The following CEP350 variants were observed in gnomAD, a reference collection of about 807,000 sequenced individuals.
CEP350 encodes centrosomal protein 350.
A neutral mutation model predicts 331.8 loss-of-function variants in CEP350; 126 were observed. That is an observed-to-expected ratio of 0.38 (90% CI 0.33 to 0.44). The LOEUF (loss-of-function observed/expected upper bound fraction) is 0.44, where lower values mean the gene tolerates loss of function less well. CEP350 is among the 20% of genes least tolerant of loss of function. The probability of loss-of-function intolerance (pLI) is 1.00; values close to 1 mark genes in which losing one functional copy is unlikely to be tolerated. For synonymous variants in CEP350, 1,200 were observed against 1,259.5 expected, an observed-to-expected ratio of 0.95 and a Z score of 1.00; for missense variants, 3,406 against 3,634.6, an observed-to-expected ratio of 0.94 and a Z score of 1.62.
At position 180,020,517 on chromosome 1, in the gene CEP350, A is replaced by T; in HGVS notation, c.2743A>T (p.Asn915Tyr). The T allele has an allele frequency of 6.2e-7, 1 of 1,613,730 alleles. No homozygotes were observed. The highest frequency in any genetic ancestry group is 8.5e-7 in the Non-Finnish European group (1 of 1,179,890). Residue 915 changes from asparagine (N) to tyrosine (Y), a missense_variant, in exon 12 of 38, where the codon AAT becomes TAT. Coordinates refer to ENST00000367607, the MANE Select transcript of CEP350 (RefSeq NM_014810.5). ...TFDDDLPGVG[N>Y]LSEFKKLPEM... ...TGATGATGATCTTCCTGGTGTAGGC[A>T]ATCTTAGTGAATTTAAAAAGCTTCC... is the stretch of plus-strand genomic sequence containing the variant.
chr1:180,006,707 C>T (rs1571856442), intron 8 of CEP350, 140 bp downstream of exon 8: 1 of 587,240 alleles, frequency 1.7e-6, no homozygotes, highest in East Asian at 2.9e-5. Context: ...TTGCTGTACC[C>T]ATTAACCCGT....
intron 15 of CEP350, 90 bp from the exon 16 acceptor site, chr1:180,033,772 G>T (rs1656176683): frequency 1.5e-6 from 2 of 1,325,916 alleles, no homozygotes; most frequent in African/African-American, 2.9e-5. Flanking sequence ...AATGTTGATA[G>T]TTTTTTTATA....
At chr1:180,047,774 A>AAAAAG (rs1335629827) in intron 21 of CEP350, among the ~76,000 whole-genome samples, 16 of 149,786 alleles carry the variant, frequency 1.1e-4, no homozygotes, top group African/African-American at 3.2e-4. Context: ...AAAAAAAAAA[A>AAAAAG]AAAAGAAAAG....
chr1:180,070,978 T>C (rs1007343192), intron 27 of CEP350, among the ~76,000 whole-genome samples: 3 of 151,396 alleles, frequency 2.0e-5, no homozygotes, highest in Non-Finnish European at 4.4e-5. Flanking sequence ...TGAAACCCCA[T>C]CTCTACTAAA....
intron 1 of CEP350, among the ~76,000 whole-genome samples, chr1:179,967,707 A>G (rs1651122047): frequency 6.6e-6 from 1 of 152,108 alleles, no homozygotes; most frequent in Non-Finnish European, 1.5e-5. Context: ...CACCGGGCCC[A>G]GCTGGCTTCA....
intron 37 of CEP350, among the ~76,000 whole-genome samples, chr1:180,108,499 C>CA (rs926349939): frequency 2.8e-5 from 4 of 142,168 alleles, no homozygotes; most frequent in Non-Finnish European, 4.6e-5. Flanking sequence ...GACTCTGTCT[C>CA]AAAAAAAAAG....
At chr1:180,070,064 G>A (rs1658790430) in intron 27 of CEP350, among the ~76,000 whole-genome samples, 1 of 152,154 alleles carries the variant, frequency 6.6e-6, no homozygotes, top group African/African-American at 2.4e-5. Flanking sequence ...TTAGATGAAT[G>A]TTTTGGAACC....
At chr1:180,039,482 C>A (rs79918036) in intron 17 of CEP350, among the ~76,000 whole-genome samples, 18,835 of 152,056 alleles carry the variant, frequency 0.12, 1,237 homozygotes, top group South Asian at 0.16. Flanking sequence ...GTCAAAGTTT[C>A]TTTTTCTCTA....
At chr1:179,962,233 G>C (rs2148541262) in intron 1 of CEP350, among the ~76,000 whole-genome samples, 1 of 152,278 alleles carries the variant, frequency 6.6e-6, no homozygotes, top group Middle Eastern at 3.4e-3. Flanking sequence ...ACAAGTGAGA[G>C]AAGGTGTGAT....
chr1:180,052,926 G>C, intron 22 of CEP350, 44 bp from the exon 23 acceptor site: 1 of 741,104 alleles, frequency 1.3e-6, no homozygotes, highest in Non-Finnish European at 2.2e-6. Context: ...TACCTACTGA[G>C]AACAATTATA....
Position 180,090,714 on chromosome 1 carries a change from A to G in CEP350, c.6426A>G (p.Arg2142=), listed in dbSNP as rs1481461340. ...CTGCTCATTAATTTTTACACGTCAGATCTGAAACGGCAAAGAATTGGAAAT... is the reference window on the plus strand; with the variant it reads ...CTGCTCATTAATTTTTACACGTCAGGTCTGAAACGGCAAAGAATTGGAAAT... ...PKIKPLTPLH[R]SETAKNWKSL... The change falls in exon 33 of 38, where the codon AGA becomes AGG. Residue 2142 remains arginine (R), a splice_region_variant and synonymous_variant. Coordinates refer to ENST00000367607, the MANE Select transcript of CEP350 (RefSeq NM_014810.5). The G allele has an allele frequency of 6.5e-7, 1 of 1,548,730 alleles. No homozygotes were observed. Among genetic ancestry groups the G allele is most frequent in the Non-Finnish European group, 8.7e-7 (1 of 1,145,700 alleles).
At chr1:180,009,095 C>T (rs1654448398) in intron 8 of CEP350, among the ~76,000 whole-genome samples, 1 of 152,150 alleles carries the variant, frequency 6.6e-6, no homozygotes, top group Non-Finnish European at 1.5e-5. Flanking sequence ...CTGTAATCTC[C>T]GCCTCCTGGA....
intron 36 of CEP350, 92 bp downstream of exon 36, chr1:180,096,276 T>G (rs1243550294): frequency 1.4e-6 from 2 of 1,386,456 alleles, no homozygotes; most frequent in Non-Finnish European, 1.9e-6. Flanking sequence ...CTCTTCTGTA[T>G]GATTAACCTT....
intron 14 of CEP350, among the ~76,000 whole-genome samples, chr1:180,030,330 T>C (rs1340465922): frequency 8.2e-6 from 1 of 121,360 alleles, no homozygotes; most frequent in East Asian, 2.1e-4. Flanking sequence ...TATATACATA[T>C]GTGTGTATAT....
intron 3 of CEP350, among the ~76,000 whole-genome samples, chr1:179,990,001 C>G (rs1385446880): frequency 1.3e-5 from 2 of 151,582 alleles, no homozygotes; most frequent in African/African-American, 4.9e-5. Context: ...CCAGCCTGGC[C>G]AACATGTGGA....
At chr1:180,067,279 T>C (rs1658599695) in intron 27 of CEP350, among the ~76,000 whole-genome samples, 1 of 152,168 alleles carries the variant, frequency 6.6e-6, no homozygotes, top group Non-Finnish European at 1.5e-5. Context: ...TCAAGGAGAA[T>C]AGGCATTGGA....
chr1:179,992,933 A>C (rs1359347879), intron 5 of CEP350, among the ~76,000 whole-genome samples: 7 of 152,332 alleles, frequency 4.6e-5, no homozygotes, highest in African/African-American at 1.7e-4. Flanking sequence ...TTTTAAACAC[A>C]AATCAAGAAG....
chr1:180,032,167 A>G (rs1301172128), intron 15 of CEP350, among the ~76,000 whole-genome samples: 2 of 152,074 alleles, frequency 1.3e-5, no homozygotes, highest in Admixed American at 6.5e-5. Flanking sequence ...TGCTAGCTAT[A>G]CAGTTCCTAC....
At position 180,093,434 on chromosome 1, in the gene CEP350, C is replaced by A. The variant is rs546388663; in HGVS notation, c.7329C>A (p.Ser2443Arg). The A allele has an allele frequency of 1.2e-6, 2 of 1,600,648 alleles. No individual in the cohort carries two copies. The highest frequency in any genetic ancestry group is 1.7e-6 in the Non-Finnish European group (2 of 1,173,136). The part of the protein sequence containing the change: ...EEISECLSEK[S>R]LSIHSNVHSD... ...TCAGTGAGTGCCTAAGTGAGAAAAGCCTTTCTATCCATAGCAATGTTCATT... is the reference window on the plus strand; with the variant it reads ...TCAGTGAGTGCCTAAGTGAGAAAAGACTTTCTATCCATAGCAATGTTCATT... The change falls in exon 34 of 38, where the codon AGC becomes AGA. Residue 2443 changes from serine to arginine, a missense_variant. Ser to Arg is a moderately radical substitution (Grantham distance 110). Around this residue, in one of 5 missense-constraint regions of CEP350, gnomAD observed 1,415 missense variants for 1,512.3 expected, o/e 0.94. Coordinates refer to ENST00000367607, the MANE Select transcript of CEP350 (RefSeq NM_014810.5).
Sources: allele counts gnomAD v4.1 joint callset (sites outside exome capture counted in the v4.1 genomes callset), GRCh38; gene constraint gnomAD v4.1.1; regional missense constraint gnomAD v4.1.1; transcripts MANE v1.5; gene names NCBI Gene and HGNC (gene_info 2026-07-23, HGNC 2026-07-21).